PLCB4: variants seen among roughly 807,000 people sequenced by gnomAD.
PLCB4 encodes 1-phosphatidylinositol 4,5-bisphosphate phosphodiesterase beta-4.
In PLCB4, 77 loss-of-function variants were observed where a neutral mutation model predicts 178.8. That is an observed-to-expected ratio of 0.43 (90% CI 0.36 to 0.52). The LOEUF is 0.52. Ranked by LOEUF, PLCB4 falls within the 20% of genes least tolerant of loss-of-function variation. The pLI, the probability that PLCB4 is intolerant of heterozygous loss-of-function variation, is 0.00. For missense variants in PLCB4, 1,024 were observed against 1,453.4 expected (o/e 0.70, Z 4.80); for synonymous variants, 496 against 490.8 (o/e 1.01, Z -0.14).
At chr20:9,216,815 A>G (rs2093738694) in intron 2 of PLCB4, among the ~76,000 whole-genome samples, 1 of 152,288 alleles carries the variant, frequency 6.6e-6, no homozygotes, top group South Asian at 2.1e-4. Context: ...ACTTTTGTGT[A>G]CTTCTGACAC....
At chr20:9,213,071 T>C (rs2093689322) in intron 2 of PLCB4, among the ~76,000 whole-genome samples, 1 of 150,758 alleles carries the variant, frequency 6.6e-6, no homozygotes, top group Non-Finnish European at 1.5e-5. Flanking sequence ...GGACATTTCA[T>C]ATACATGGGA....
chr20:9,196,010 G>C (rs2093467731), intron 2 of PLCB4, among the ~76,000 whole-genome samples: 1 of 152,166 alleles, frequency 6.6e-6, no homozygotes, highest in South Asian at 2.1e-4. Flanking sequence ...GAAAAATTTT[G>C]ATGAGCCTTG....
chr20:9,142,482 A>C (rs192097700), intron 2 of PLCB4, among the ~76,000 whole-genome samples: 1 of 152,234 alleles, frequency 6.6e-6, no homozygotes, highest in Admixed American at 6.5e-5. Context: ...GCATCATTAG[A>C]TGCTGTTGGA....
At chr20:9,395,109 T>C (rs989117453) in intron 18 of PLCB4, among the ~76,000 whole-genome samples, 1 of 152,226 alleles carries the variant, frequency 6.6e-6, no homozygotes, top group African/African-American at 2.4e-5. Flanking sequence ...TATTTTTTCC[T>C]GAAGTTTTGT....
intron 3 of PLCB4, among the ~76,000 whole-genome samples, chr20:9,253,754 G>A (rs997421674): frequency 2.0e-5 from 3 of 152,182 alleles, no homozygotes; most frequent in African/African-American, 7.2e-5. Flanking sequence ...TACACTGGAA[G>A]CTGCCCATGT....
chr20:9,165,159 T>A (rs1438354367), intron 2 of PLCB4, among the ~76,000 whole-genome samples: 1 of 152,160 alleles, frequency 6.6e-6, no homozygotes. Context: ...CTATAGCAAC[T>A]GCCAAGGTTC....
chr20:9,085,823 A>G (rs918351171), intron 1 of PLCB4, among the ~76,000 whole-genome samples: 27 of 152,328 alleles, frequency 1.8e-4, no homozygotes, highest in Admixed American at 1.3e-4. Context: ...TTGCCAAGAT[A>G]CTTGAACATA....
intron 1 of PLCB4, among the ~76,000 whole-genome samples, chr20:9,078,574 C>T (rs1185393839): frequency 6.6e-6 from 1 of 151,956 alleles, no homozygotes; most frequent in South Asian, 2.1e-4. Context: ...GTTGGCCACA[C>T]TAGTCTTGAA....
intron 2 of PLCB4, among the ~76,000 whole-genome samples, chr20:9,194,859 T>G (rs1223439190): frequency 6.6e-6 from 1 of 152,142 alleles, no homozygotes; most frequent in Non-Finnish European, 1.5e-5. Context: ...CATTTGTTTG[T>G]TTGCTTGCTT....
At chr20:9,325,087 A>T (rs1465710779) in intron 4 of PLCB4, among the ~76,000 whole-genome samples, 4 of 152,202 alleles carry the variant, frequency 2.6e-5, no homozygotes, top group Non-Finnish European at 5.9e-5. Context: ...GTAATTTATT[A>T]TGCTGGAACT....
chr20:9,094,054 T>G (rs2090798957), intron 1 of PLCB4, among the ~76,000 whole-genome samples: 2 of 152,152 alleles, frequency 1.3e-5, no homozygotes. Flanking sequence ...TAAAAAAAGT[T>G]GTTTCCTCTT....
rs944878645 is a variant in PLCB4, at chr20:9,204,528, T to C, written c.-78-12862T>C. 2.0e-5 allele frequency among the ~76,000 whole-genome samples: 3 copies of C among 152,000 alleles called. No homozygotes were observed. In the South Asian group the frequency reaches 6.2e-4, roughly 32 times the overall value. On this transcript the variant is annotated intron_variant, in intron 2 of 39. Coordinates refer to ENST00000378473, the MANE Select transcript of PLCB4 (RefSeq NM_001377142.1). ...GCGTGCAGCACCATGCCTGGCTATT[T>C]TTTTTTGTATTTTTAGTAGAGACGG...
intron 28 of PLCB4, among the ~76,000 whole-genome samples, chr20:9,428,233 A>G (rs375265224): frequency 9.8e-5 from 15 of 152,294 alleles, no homozygotes; most frequent in African/African-American, 2.9e-4. Context: ...TAAGGGTGCT[A>G]AAATGTCATA....
intron 2 of PLCB4, among the ~76,000 whole-genome samples, chr20:9,202,479 T>C (rs2093559059): frequency 6.6e-6 from 1 of 152,246 alleles, no homozygotes; most frequent in African/African-American, 2.4e-5. Context: ...ACATCTGCTC[T>C]TAGTTCCCCA....
At chr20:9,170,986 A>T (rs2093054441) in intron 2 of PLCB4, among the ~76,000 whole-genome samples, 1 of 152,208 alleles carries the variant, frequency 6.6e-6, no homozygotes, top group Non-Finnish European at 1.5e-5. Flanking sequence ...TAAAGTGCTC[A>T]CATTGAGTTC....
At chr20:9,176,224 C>T (rs1275255695) in intron 2 of PLCB4, among the ~76,000 whole-genome samples, 1 of 152,126 alleles carries the variant, frequency 6.6e-6, no homozygotes, top group Non-Finnish European at 1.5e-5. Context: ...CAATTGTGTG[C>T]ACATACTACC....
rs1169724448 is a variant in PLCB4 at position 9,395,608 on chromosome 20, G to A, written c.1500G>A (p.Glu500=). Residue 500 remains glutamate (E), a synonymous_variant, in exon 19 of 40, where the codon GAG becomes GAA. Coordinates refer to ENST00000378473, the MANE Select transcript of PLCB4 (RefSeq NM_001377142.1). ...TCTTAGAGGACGATAATGAAGAGGA[G>A]ATCGAAAGTGGTGAGCTGTTTGCTT... ...ANILEDDNEE[E]IESADQEEEA... The A allele has an allele frequency of 6.2e-7, 1 of 1,606,040 alleles. No individual in the cohort carries two copies. Among genetic ancestry groups the A allele is most frequent in the South Asian group, 1.1e-5 (1 of 90,908 alleles).
At chr20:9,429,706 C>G (rs916249146) in intron 28 of PLCB4, among the ~76,000 whole-genome samples, 1 of 152,194 alleles carries the variant, frequency 6.6e-6, no homozygotes, top group African/African-American at 2.4e-5. Flanking sequence ...CAGCACTCTT[C>G]GTATCTACCT....
At chr20:9,292,644 G>A (rs2147773803) in intron 3 of PLCB4, among the ~76,000 whole-genome samples, 1 of 152,296 alleles carries the variant, frequency 6.6e-6, no homozygotes, top group South Asian at 2.1e-4. Flanking sequence ...GTCAAACTTG[G>A]TAAAGAATGG....
Sources: gnomAD v4.1 joint callset for allele counts (sites outside exome capture counted in the v4.1 genomes callset) on GRCh38, gnomAD v4.1.1 for gene constraint, MANE v1.5 for transcripts, NCBI Gene and HGNC (gene_info 2026-07-23, HGNC 2026-07-21) for gene names.